SCD5: variants seen among roughly 807,000 people sequenced by gnomAD.
SCD5 encodes acyl-CoA-desaturase 4.
In SCD5, 20 loss-of-function variants were observed where a neutral mutation model predicts 30.4. The ratio of observed to expected loss-of-function variants is 0.66; its 90% CI spans 0.46 to 0.96. The LOEUF (loss-of-function observed/expected upper bound fraction) is 0.96, where lower values mean the gene tolerates loss of function less well. SCD5 is among the 40% of genes least tolerant of loss of function. The probability of loss-of-function intolerance (pLI) is 0.00; values close to 1 mark genes in which losing one functional copy is unlikely to be tolerated. For synonymous variants in SCD5, 173 were observed against 176.4 expected, an observed-to-expected ratio of 0.98 and a Z score of 0.16; for missense variants, 381 against 443.3, an observed-to-expected ratio of 0.86 and a Z score of 1.26.
chr4:82,663,125 T>C (rs1171951735), intron 3 of SCD5, among the ~76,000 whole-genome samples: 2 of 152,092 alleles, frequency 1.3e-5, no homozygotes, highest in Non-Finnish European at 2.9e-5. Context: ...CTTTAACTCA[T>C]CAAGAGTTAA....
intron 1 of SCD5, among the ~76,000 whole-genome samples, chr4:82,797,722 G>A (rs1722255734): frequency 1.3e-5 from 2 of 152,050 alleles, no homozygotes; most frequent in South Asian, 2.1e-4. Flanking sequence ...AGGGGGCAGG[G>A]ACAGGGGCCT....
intron 2 of SCD5, among the ~76,000 whole-genome samples, chr4:82,684,985 T>C (rs1560533342): frequency 6.6e-6 from 1 of 152,240 alleles, no homozygotes; most frequent in Admixed American, 6.5e-5. Context: ...GCTTAGATAC[T>C]TAAACATTCA....
chr4:82,791,228 A>C (rs1722093515), intron 1 of SCD5, among the ~76,000 whole-genome samples: 1 of 151,152 alleles, frequency 6.6e-6, no homozygotes, highest in South Asian at 2.1e-4. Context: ...ACAGAGCAAG[A>C]CTCCATCTCA....
At chr4:82,654,409 T>G (rs571876065) in intron 3 of SCD5, among the ~76,000 whole-genome samples, 1 of 152,340 alleles carries the variant, frequency 6.6e-6, no homozygotes, top group African/African-American at 2.4e-5. Context: ...TTTTACTCTT[T>G]GTAATTTTCA....
At chr4:82,765,368 G>GT (rs1431844407) in intron 1 of SCD5, among the ~76,000 whole-genome samples, 4 of 151,984 alleles carry the variant, frequency 2.6e-5, no homozygotes. Flanking sequence ...CATCATCCTT[G>GT]TTTTTTTCCT....
At chr4:82,671,592 T>A (rs1728324827) in intron 3 of SCD5, among the ~76,000 whole-genome samples, 2 of 152,140 alleles carry the variant, frequency 1.3e-5, no homozygotes, top group African/African-American at 4.8e-5. Flanking sequence ...AAAAGACAAC[T>A]GGAGGCCAGG....
chr4:82,664,415 A>G (rs558996695), intron 3 of SCD5, among the ~76,000 whole-genome samples: 2 of 137,552 alleles, frequency 1.5e-5, no homozygotes, highest in Admixed American at 7.7e-5. Context: ...TCAGCATTCA[A>G]TTAAAATTGA....
chr4:82,713,926 G>C (rs900708105), intron 1 of SCD5, among the ~76,000 whole-genome samples: 3 of 152,060 alleles, frequency 2.0e-5, no homozygotes, highest in African/African-American at 7.2e-5. Flanking sequence ...ACTTCCCCAG[G>C]CTCCGCCACC....
At chr4:82,672,335 A>G (rs1728344177) in intron 3 of SCD5, among the ~76,000 whole-genome samples, 1 of 152,146 alleles carries the variant, frequency 6.6e-6, no homozygotes, top group Non-Finnish European at 1.5e-5. Context: ...GTAGGGCACA[A>G]ATTACTAATA....
chr4:82,764,404 T>C (rs1029183845), intron 1 of SCD5, among the ~76,000 whole-genome samples: 2 of 152,254 alleles, frequency 1.3e-5, no homozygotes, highest in Admixed American at 1.3e-4. Context: ...TTCTTTTTCA[T>C]ATCTTCATCC....
At chr4:82,711,799 C>T (rs1720094025) in intron 1 of SCD5, among the ~76,000 whole-genome samples, 1 of 151,962 alleles carries the variant, frequency 6.6e-6, no homozygotes, top group African/African-American at 2.4e-5. Context: ...TTCTTGAAAC[C>T]AAGCCTTGTT....
chr4:82,638,759 C>T (rs1044209833), intron 3 of SCD5, among the ~76,000 whole-genome samples: 1 of 152,256 alleles, frequency 6.6e-6, no homozygotes, highest in South Asian at 2.1e-4. Flanking sequence ...TGAGAAGTAC[C>T]CAACACAGGT....
intron 1 of SCD5, 121 bp from the exon 2 acceptor site, chr4:82,705,534 A>T: frequency 7.6e-7 from 1 of 1,314,176 alleles, no homozygotes; most frequent in Non-Finnish European, 1.0e-6. Flanking sequence ...AAGCTGCAAC[A>T]TGAAGAATCA....
At chr4:82,673,793 C>T (rs1310501220) in intron 3 of SCD5, among the ~76,000 whole-genome samples, 1 of 152,086 alleles carries the variant, frequency 6.6e-6, no homozygotes, top group Non-Finnish European at 1.5e-5. Flanking sequence ...GTGGTACTGG[C>T]ACAAGAACAG....
intron 2 of SCD5, among the ~76,000 whole-genome samples, 161 bp from the exon 3 acceptor site, chr4:82,681,073 T>C (rs1216640656): frequency 3.3e-5 from 5 of 151,994 alleles, no homozygotes; most frequent in Admixed American, 6.6e-5. Context: ...CAATCCCCTG[T>C]GGTCTGGAGT....
chr4:82,721,078 T>C (rs1004874107), intron 1 of SCD5, among the ~76,000 whole-genome samples: 7 of 152,162 alleles, frequency 4.6e-5, no homozygotes, highest in African/African-American at 1.4e-4. Flanking sequence ...GGAGGATCTC[T>C]TGAGCCCAGG....
intron 1 of SCD5, among the ~76,000 whole-genome samples, chr4:82,747,148 A>C (rs1284722630): frequency 1.3e-5 from 2 of 150,894 alleles, no homozygotes; most frequent in African/African-American, 4.8e-5. Flanking sequence ...CACTCCTGTC[A>C]CACTCCTGGC....
At chr4:82,717,690 CA>C (rs200121396) in intron 1 of SCD5, among the ~76,000 whole-genome samples, 3,338 of 151,718 alleles carry the variant, frequency 0.022, 214 homozygotes, top group African/African-American at 0.077. Flanking sequence ...CCAAGGCAGG[CA>C]GATCACTTGA....
chr4:82,722,837 G>A (rs938145486), intron 1 of SCD5, among the ~76,000 whole-genome samples: 1 of 151,882 alleles, frequency 6.6e-6, no homozygotes, highest in Non-Finnish European at 1.5e-5. Flanking sequence ...GGAGGCCGAG[G>A]CGGACAAATC....
Sources: allele counts gnomAD v4.1 joint callset (sites outside exome capture counted in the v4.1 genomes callset), GRCh38; gene constraint gnomAD v4.1.1; transcripts MANE v1.5; gene names NCBI Gene and HGNC (gene_info 2026-07-23, HGNC 2026-07-21).